Variants in PTPRR observed in about 807,000 individuals in gnomAD.
The protein encoded by PTPRR is protein tyrosine phosphatase receptor type R.
A neutral mutation model predicts 77.2 loss-of-function variants in PTPRR; 38 were observed. That is an observed-to-expected ratio of 0.49 (90% confidence interval 0.38 to 0.65). The LOEUF is 0.65. PTPRR is among the 30% of genes least tolerant of loss of function. The probability of loss-of-function intolerance (pLI) is 0.00; values close to 1 mark genes in which losing one functional copy is unlikely to be tolerated. For synonymous variants in PTPRR, 299 were observed against 283.1 expected (o/e 1.06, Z -0.57); for missense variants, 744 against 799.2 (o/e 0.93, Z 0.83).
intron 2 of PTPRR, among the ~76,000 whole-genome samples, chr12:70,888,479 A>G (rs527248261): frequency 2.0e-5 from 3 of 152,142 alleles, no homozygotes; most frequent in South Asian, 2.1e-4. Context: ...TGTTTAACCA[A>G]CTTTCTTGTG....
chr12:70,716,158 T>G (rs774994354), intron 6 of PTPRR, among the ~76,000 whole-genome samples: 5 of 152,164 alleles, frequency 3.3e-5, no homozygotes, highest in Non-Finnish European at 7.4e-5. Context: ...TCTTTACCTC[T>G]TTTATCTATC....
intron 2 of PTPRR, among the ~76,000 whole-genome samples, chr12:70,821,360 G>T: frequency 6.6e-6 from 1 of 151,072 alleles, no homozygotes; most frequent in Non-Finnish European, 1.5e-5. Context: ...GAGTAGCTGG[G>T]ATTACAGGCA....
At chr12:70,680,516 C>A (rs999503048) in intron 10 of PTPRR, among the ~76,000 whole-genome samples, 1 of 152,146 alleles carries the variant, frequency 6.6e-6, no homozygotes, top group Non-Finnish European at 1.5e-5. Context: ...TTATTGATAA[C>A]CTCTGAAGGC....
At chr12:70,911,068 G>C (rs1832950427) in intron 1 of PTPRR, among the ~76,000 whole-genome samples, 1 of 152,150 alleles carries the variant, frequency 6.6e-6, no homozygotes, top group African/African-American at 2.4e-5. Flanking sequence ...GGTTTTAGGG[G>C]AGTGGTGAGT....
chr12:70,684,785 T>C lies in PTPRR; in HGVS notation c.1280-2A>G. ...TTAAACACACTCTGCTGAGGGGATC[T>C]AATGAAGAAAACAAAAAAGAATATA... is the stretch of plus-strand genomic sequence containing the variant. On this transcript the variant is annotated splice_acceptor_variant, in intron 8 of 13. Coordinates refer to ENST00000283228, the MANE Select transcript of PTPRR (RefSeq NM_002849.4). LOFTEE classifies it high-confidence loss of function. The C allele has an allele frequency of 1.9e-6, 3 of 1,587,388 alleles. No individual in the cohort carries two copies. The highest frequency in any genetic ancestry group is 2.6e-6 in the Non-Finnish European group (3 of 1,166,110).
chr12:70,863,697 A>G (rs951201643), intron 2 of PTPRR, among the ~76,000 whole-genome samples: 2 of 152,140 alleles, frequency 1.3e-5, no homozygotes, highest in South Asian at 2.1e-4. Flanking sequence ...ATCTTGCTTC[A>G]TAACAGGGTG....
intron 1 of PTPRR, among the ~76,000 whole-genome samples, chr12:70,895,240 G>T (rs926484711): frequency 1.3e-5 from 2 of 151,654 alleles, no homozygotes; most frequent in Non-Finnish European, 3.0e-5. Flanking sequence ...CAGCTTAGAA[G>T]ATTGGGGAAA....
chr12:70,655,779 T>C (rs1886552804), intron 13 of PTPRR, among the ~76,000 whole-genome samples: 1 of 152,228 alleles, frequency 6.6e-6, no homozygotes, highest in Non-Finnish European at 1.5e-5. Context: ...ACTGAGTTTT[T>C]CAACATGAAC....
chr12:70,754,838 T>C lies in PTPRR; in HGVS notation c.628-537A>G, dbSNP rs878905428. On this transcript the variant is annotated intron_variant, in intron 4 of 13. Coordinates refer to ENST00000283228, the MANE Select transcript of PTPRR (RefSeq NM_002849.4). ...TTTTTTTTTTTTCAAATAGAGTCTC[T>C]GCTGTCAAAACCTGACTAAAATATC... 1.3e-5 allele frequency: 15 copies of C among 1,158,076 alleles called. No individual in the cohort carries two copies. In the Admixed American group the frequency reaches 4.0e-4, roughly 31 times the overall value. 71.7% of individuals were successfully genotyped at this position (1,158,076 alleles called of 1,614,324 possible). A position where few individuals can be genotyped will look rare whatever the true frequency, so the allele number is the denominator to read the frequency against.
At chr12:70,757,213 T>C (rs573403311) in intron 4 of PTPRR, among the ~76,000 whole-genome samples, 13 of 152,232 alleles carry the variant, frequency 8.5e-5, no homozygotes, top group Non-Finnish European at 1.5e-4. Context: ...TTTTTTTCTT[T>C]GTAAATATTT....
chr12:70,915,588 G>A (rs1231014971), intron 1 of PTPRR, among the ~76,000 whole-genome samples: 1 of 152,236 alleles, frequency 6.6e-6, no homozygotes, highest in African/African-American at 2.4e-5. Context: ...TAGCCAATCA[G>A]CAAAGAATTT....
In PTPRR at chr12:70,920,650, T is replaced by C. The variant is rs1447951907; in HGVS notation, c.-260A>G. On this transcript the variant is annotated 5_prime_UTR_variant, in exon 1 of 14. Transcript: ENST00000283228. ...CTCAGAGGCGGCAAATGCCTGGCCT[T>C]CTGGACGCCCAGAAGCCAAGGCGGA... The C allele has an allele frequency of 2.5e-6, 1 of 394,920 alleles. No homozygotes were observed. Among genetic ancestry groups the C allele is most frequent in the Non-Finnish European group, 4.8e-6 (1 of 209,520 alleles). The allele number at this position is 394,920 out of a possible 1,614,324, so 24.5% of individuals were successfully genotyped here.
intron 2 of PTPRR, among the ~76,000 whole-genome samples, chr12:70,831,756 C>T (rs571030462): frequency 6.6e-6 from 1 of 152,124 alleles, no homozygotes; most frequent in Non-Finnish European, 1.5e-5. Flanking sequence ...CCTAAGAAAG[C>T]CTTTCCTATC....
chr12:70,757,982 A>C (rs1458537998), intron 4 of PTPRR, among the ~76,000 whole-genome samples: 1 of 152,128 alleles, frequency 6.6e-6, no homozygotes, highest in African/African-American at 2.4e-5. Flanking sequence ...TGTACCAAGC[A>C]CCTCCCCACT....
chr12:70,782,648 T>C (rs1286812990), intron 2 of PTPRR, among the ~76,000 whole-genome samples: 5 of 149,138 alleles, frequency 3.4e-5, no homozygotes, highest in African/African-American at 1.2e-4. Flanking sequence ...TGAGAACACT[T>C]GGACACAGGA....
chr12:70,658,763 C>T (rs1886674381), intron 12 of PTPRR, among the ~76,000 whole-genome samples: 1 of 148,524 alleles, frequency 6.7e-6, no homozygotes, highest in Admixed American at 6.8e-5. Flanking sequence ...AGACTATAAG[C>T]TTCCACTCTT....
intron 2 of PTPRR, among the ~76,000 whole-genome samples, chr12:70,771,317 G>T: frequency 6.6e-6 from 1 of 152,096 alleles, no homozygotes; most frequent in East Asian, 1.9e-4. Flanking sequence ...TATACTGCAT[G>T]TTCTCACTTA....
At chr12:70,656,135 A>C (rs991332614) in intron 13 of PTPRR, among the ~76,000 whole-genome samples, 5 of 152,126 alleles carry the variant, frequency 3.3e-5, no homozygotes. Context: ...GGAGGACCAC[A>C]TGAGCCCAGG....
chr12:70,903,977 T>C (rs1164309756), intron 1 of PTPRR, among the ~76,000 whole-genome samples: 1 of 151,836 alleles, frequency 6.6e-6, no homozygotes, highest in Non-Finnish European at 1.5e-5. Flanking sequence ...CAAATGAAAG[T>C]ATGTCCATTT....
Sources: gnomAD v4.1 joint callset for allele counts (sites outside exome capture counted in the v4.1 genomes callset) on GRCh38, gnomAD v4.1.1 for gene constraint, MANE v1.5 for transcripts, NCBI Gene and HGNC (gene_info 2026-07-23, HGNC 2026-07-21) for gene names.